MUSK: variants seen among roughly 807,000 people sequenced by gnomAD.
MUSK encodes the protein muscle associated receptor tyrosine kinase.
In MUSK, 55 loss-of-function variants were observed where a neutral mutation model predicts 88.7. The observed-to-expected ratio is 0.62, with a 90% CI of 0.50 to 0.78. The LOEUF is 0.78. Ranked by LOEUF, MUSK falls within the 30% of genes least tolerant of loss-of-function variation. The pLI, the probability that MUSK is intolerant of heterozygous loss-of-function variation, is 0.00. For missense variants in MUSK, 1,015 were observed against 1,074.3 expected (o/e 0.94, Z 0.77); for synonymous variants, 387 against 391.9 (o/e 0.99, Z 0.15).
intron 13 of MUSK, among the ~76,000 whole-genome samples, chr9:110,787,458 C>G: frequency 6.7e-6 from 1 of 150,358 alleles, no homozygotes; most frequent in East Asian, 2.0e-4. Flanking sequence ...ATGCATCTTT[C>G]AAACTTCATT....
At chr9:110,733,829 T>C (rs1460252422) in intron 5 of MUSK, among the ~76,000 whole-genome samples, 1 of 152,032 alleles carries the variant, frequency 6.6e-6, no homozygotes, top group East Asian at 1.9e-4. Flanking sequence ...TTTCAGATAG[T>C]TGTAAGGTCT....
intron 9 of MUSK, among the ~76,000 whole-genome samples, chr9:110,773,264 G>C (rs188723202): frequency 3.9e-5 from 6 of 152,148 alleles, no homozygotes; most frequent in African/African-American, 1.4e-4. Flanking sequence ...AATAACAAAC[G>C]GAGAGGAGAA....
rs1430558547 is a variant in MUSK, at chr9:110,785,599, G to A, written c.1659G>A (p.Met553Ile). 1.2e-6 allele frequency: 2 copies of A among 1,613,228 alleles called. No individual in the cohort carries two copies. Among genetic ancestry groups the A allele is most frequent in the Non-Finnish European group, 1.7e-6 (2 of 1,179,598 alleles). The part of the protein sequence containing the change: ...LLLDRLHPNP[M>I]YQRMPLLLNP... Reference sequence around the variant, plus strand: ...TAGATAGACTTCATCCCAACCCCATGTACCAGAGGATGCCGCTCCTTCTGA... The same window carrying A: ...TAGATAGACTTCATCCCAACCCCATATACCAGAGGATGCCGCTCCTTCTGA... The change falls in exon 13 of 15, where the codon ATG (methionine) becomes ATA (isoleucine). Residue 553 changes from methionine (M) to isoleucine (I), a missense_variant. Met to Ile is a conservative substitution (Grantham distance 10). Transcript: ENST00000374448.
chr9:110,782,790 G>C (rs1206767442), intron 11 of MUSK, among the ~76,000 whole-genome samples: 1 of 152,180 alleles, frequency 6.6e-6, no homozygotes, highest in South Asian at 2.1e-4. Flanking sequence ...AAGTCAGTCA[G>C]AGAGGAACCT....
At chr9:110,717,849 T>C (rs968771454) in intron 5 of MUSK, among the ~76,000 whole-genome samples, 2 of 152,152 alleles carry the variant, frequency 1.3e-5, no homozygotes, top group Non-Finnish European at 2.9e-5. Flanking sequence ...CTGGTCTTTT[T>C]ACCTTTGATT....
At chr9:110,688,911 G>A (rs935186801) in intron 3 of MUSK, among the ~76,000 whole-genome samples, 2 of 143,872 alleles carry the variant, frequency 1.4e-5, no homozygotes, top group Non-Finnish European at 3.0e-5. Flanking sequence ...TTGTTTTTTT[G>A]TTATATATAT....
intron 9 of MUSK, 177 bp from the exon 10 acceptor site, chr9:110,775,611 C>T (rs1286705930): frequency 6.3e-6 from 4 of 638,446 alleles, no homozygotes; most frequent in Non-Finnish European, 1.1e-5. Flanking sequence ...CGGGACAGTA[C>T]ACTAGATTTC....
At chr9:110,689,866 A>C (rs1223392077) in intron 3 of MUSK, among the ~76,000 whole-genome samples, 1 of 82,286 alleles carries the variant, frequency 1.2e-5, no homozygotes, top group African/African-American at 5.0e-5. Flanking sequence ...CTATATATTT[A>C]AATATAAATA....
At chr9:110,790,498 A>G (rs2077954980) in intron 14 of MUSK, among the ~76,000 whole-genome samples, 1 of 152,226 alleles carries the variant, frequency 6.6e-6, no homozygotes, top group Admixed American at 6.5e-5. Context: ...TGGAAGTAAC[A>G]TCTTTGAACA....
intron 6 of MUSK, among the ~76,000 whole-genome samples, chr9:110,741,952 T>C (rs2077105895): frequency 6.6e-6 from 1 of 152,196 alleles, no homozygotes; most frequent in Non-Finnish European, 1.5e-5. Context: ...AGATGATCTC[T>C]AATGGTATAA....
At chr9:110,711,686 G>A (rs2076673078) in intron 5 of MUSK, among the ~76,000 whole-genome samples, 1 of 152,136 alleles carries the variant, frequency 6.6e-6, no homozygotes. Flanking sequence ...GGCCCATATG[G>A]TTAACGTTCT....
Position 110,680,866 on chromosome 9 carries a change from GTATAC to G in MUSK, c.80-1806_80-1802del, listed in dbSNP as rs568982386. ...CAGAGGTGTATTAGTGCCTGTCACT[GTATAC>G]TTTATATCTCCTAACTATTCTTTAA... On this transcript the variant is annotated intron_variant, in intron 1 of 14. Coordinates refer to ENST00000374448, the MANE Select transcript of MUSK (RefSeq NM_005592.4). Among the ~76,000 whole-genome samples, 364 of 141,424 alleles carry G rather than the reference GTATAC, an allele frequency of 2.6e-3. 2 individuals are homozygous for G. Among genetic ancestry groups the G allele is most frequent in the African/African-American group, 9.2e-3 (349 of 37,800 alleles). 92.8% of individuals were successfully genotyped at this position (141,424 alleles called of 152,430 possible).
chr9:110,687,348 T>G, intron 3 of MUSK, 80 bp downstream of exon 3: 3 of 1,549,162 alleles, frequency 1.9e-6, no homozygotes, highest in Non-Finnish European at 2.6e-6. Flanking sequence ...TTACATTTTT[T>G]TTTTGAGACA....
At chr9:110,757,644 T>G (rs2077344005) in intron 7 of MUSK, among the ~76,000 whole-genome samples, 1 of 113,276 alleles carries the variant, frequency 8.8e-6, no homozygotes, top group African/African-American at 3.4e-5. Flanking sequence ...CTTTAGCCAA[T>G]TTGTCAAAAA....
intron 6 of MUSK, among the ~76,000 whole-genome samples, chr9:110,744,547 A>G (rs1283138987): frequency 6.6e-6 from 1 of 152,216 alleles, no homozygotes; most frequent in African/African-American, 2.4e-5. Flanking sequence ...ATGCCTATTT[A>G]ATAGAGCTTC....
At chr9:110,729,947 C>A (rs1377562434) in intron 5 of MUSK, among the ~76,000 whole-genome samples, 2 of 151,958 alleles carry the variant, frequency 1.3e-5, no homozygotes, top group Non-Finnish European at 2.9e-5. Context: ...ATGCCTTTAT[C>A]TTTTTACTAT....
intron 1 of MUSK, among the ~76,000 whole-genome samples, chr9:110,678,977 C>A (rs979827497): frequency 6.6e-6 from 1 of 151,930 alleles, no homozygotes; most frequent in Admixed American, 6.5e-5. Context: ...AAAATCAATT[C>A]TTTGAGCTGG....
intron 5 of MUSK, among the ~76,000 whole-genome samples, chr9:110,698,626 A>G (rs533751309): frequency 6.6e-6 from 1 of 152,260 alleles, no homozygotes; most frequent in East Asian, 1.9e-4. Flanking sequence ...GTTTGCCTCC[A>G]ATTGAGGTAA....
chr9:110,780,700 A>G (rs2077738272), intron 11 of MUSK, among the ~76,000 whole-genome samples: 1 of 152,162 alleles, frequency 6.6e-6, no homozygotes, highest in Non-Finnish European at 1.5e-5. Flanking sequence ...CTAGTGTTGG[A>G]AGCAGGTAGT....
Sources: gnomAD v4.1 joint callset for allele counts (sites outside exome capture counted in the v4.1 genomes callset) on GRCh38, gnomAD v4.1.1 for gene constraint, MANE v1.5 for transcripts, NCBI Gene and HGNC (gene_info 2026-07-23, HGNC 2026-07-21) for gene names.